The following SI variants were observed in gnomAD, a reference collection of about 807,000 sequenced individuals.
SI encodes sucrase-isomaltase, intestinal.
SI carries 235 observed loss-of-function variants against 253.3 expected under a neutral mutation model. That is an observed-to-expected ratio of 0.93 (90% CI 0.83 to 1.03). The LOEUF is 1.03. Among genes scored for constraint, SI ranks in the 50% least tolerant of loss-of-function variants. The pLI is 0.00. For missense variants in SI, 2,442 were observed against 2,211.1 expected, an observed-to-expected ratio of 1.10 and a Z score of -2.09; for synonymous variants, 819 against 712.0, an observed-to-expected ratio of 1.15 and a Z score of -2.39.
At chr3:165,056,384 C>A (rs138950241) in intron 12 of SI, among the ~76,000 whole-genome samples, 4 of 152,172 alleles carry the variant, frequency 2.6e-5, no homozygotes, top group African/African-American at 7.2e-5. Flanking sequence ...ACCATCCCCC[C>A]CTGCAGAAGC....
chr3:165,020,779 T>C (rs1246550690), intron 27 of SI, among the ~76,000 whole-genome samples: 1 of 151,670 alleles, frequency 6.6e-6, no homozygotes, highest in Non-Finnish European at 1.5e-5. Flanking sequence ...CATAAAAATA[T>C]ATCTAGACTT....
intron 31 of SI, 65 bp from the exon 32 acceptor site, chr3:165,016,145 A>G: frequency 7.2e-7 from 1 of 1,394,254 alleles, no homozygotes; most frequent in Non-Finnish European, 1.0e-6. Flanking sequence ...ATCATATTTT[A>G]TCATACTTAT....
the SI span, among the ~76,000 whole-genome samples, chr3:165,089,306 T>G: frequency 2.0e-5 from 3 of 151,944 alleles, no homozygotes; most frequent in African/African-American, 7.2e-5. Context: ...TAAGTAAAAA[T>G]AAAGATGTTG....
At chr3:165,011,575 A>G (rs1041531088) in intron 34 of SI, among the ~76,000 whole-genome samples, 2 of 151,988 alleles carry the variant, frequency 1.3e-5, no homozygotes, top group Non-Finnish European at 2.9e-5. Flanking sequence ...GAATGTATAT[A>G]TGGCTGCTTT....
At chr3:165,068,679 A>T in intron 5 of SI, 43 bp downstream of exon 5, 1 of 1,429,208 alleles carries the variant, frequency 7.0e-7, no homozygotes, top group Non-Finnish European at 9.9e-7. Context: ...AGCCCATCAA[A>T]TGTCTTTTAG....
At chr3:165,055,332 T>C (rs971381006) in intron 12 of SI, 25 bp from the exon 13 acceptor site, 1 of 1,178,208 alleles carries the variant, frequency 8.5e-7, no homozygotes, top group African/African-American at 1.5e-5. Context: ...CATTCACATA[T>C]ATACATAAAA....
chr3:165,074,591 A>G lies in SI; in HGVS notation c.195T>C (p.Asn65=), dbSNP rs751941063. The G allele has an allele frequency of 1.2e-6, 2 of 1,610,504 alleles. No homozygotes were observed. Among genetic ancestry groups the G allele is most frequent in the Non-Finnish European group, 1.7e-6 (2 of 1,177,576 alleles). The change falls in exon 3 of 48, where the codon AAT becomes AAC. Residue 65 remains asparagine (N), a synonymous_variant. Coordinates refer to ENST00000264382, the MANE Select transcript of SI (RefSeq NM_001041.4). ...TCACATTGACAGGATCATTTAACACATTTGGACATTTTCCTGAATCAGAAG... is the reference window on the plus strand; with the variant it reads ...TCACATTGACAGGATCATTTAACACGTTTGGACATTTTCCTGAATCAGAAG... The part of the protein sequence containing the change: ...TNPSDSGKCP[N]VLNDPVNVRI...
chr3:165,046,664 G>C (rs1363347192), intron 16 of SI, among the ~76,000 whole-genome samples, 177 bp downstream of exon 16: 1 of 151,468 alleles, frequency 6.6e-6, no homozygotes, highest in Non-Finnish European at 1.5e-5. Context: ...CACTTTAATG[G>C]TTGGAAATTA....
chr3:165,030,560 T>C, intron 25 of SI, 152 bp downstream of exon 25: 3 of 758,768 alleles, frequency 4.0e-6, no homozygotes, highest in Non-Finnish European at 4.4e-6. Context: ...TAAAAGTGAA[T>C]TGCCTGTCAG....
At chr3:165,042,033 G>A (rs1180002397) in intron 17 of SI, among the ~76,000 whole-genome samples, 3 of 152,002 alleles carry the variant, frequency 2.0e-5, no homozygotes, top group Non-Finnish European at 2.9e-5. Context: ...TCTTCATCAA[G>A]TTCAGACCTG....
intron 37 of SI, among the ~76,000 whole-genome samples, chr3:165,001,034 G>C (rs1275104675): frequency 6.6e-6 from 1 of 151,024 alleles, no homozygotes; most frequent in Non-Finnish European, 1.5e-5. Flanking sequence ...TATGTGAAGA[G>C]AATATTAAAT....
chr3:164,983,318 T>A (rs1717286702), intron 45 of SI, among the ~76,000 whole-genome samples: 1 of 152,112 alleles, frequency 6.6e-6, no homozygotes, highest in Non-Finnish European at 1.5e-5. Flanking sequence ...GTAACAGGTT[T>A]AAAATAATTT....
At chr3:165,043,276 A>G (rs1712942564) in intron 16 of SI, 101 bp from the exon 17 acceptor site, 2 of 783,328 alleles carry the variant, frequency 2.6e-6, no homozygotes, top group Admixed American at 4.3e-5. Context: ...CTTATATACA[A>G]TTTGTTTTAC....
At chr3:165,010,664 T>G (rs944864505) in intron 34 of SI, among the ~76,000 whole-genome samples, 1 of 152,196 alleles carries the variant, frequency 6.6e-6, no homozygotes, top group Non-Finnish European at 1.5e-5. Flanking sequence ...ACATAATTCA[T>G]TTTTTAGTTT....
intron 3 of SI, among the ~76,000 whole-genome samples, chr3:165,069,458 A>G (rs534460734): frequency 1.3e-5 from 2 of 152,056 alleles, no homozygotes; most frequent in Admixed American, 6.6e-5. Flanking sequence ...TTGTAAGCTT[A>G]TGTATTTTAA....
intron 25 of SI, 44 bp downstream of exon 25, chr3:165,030,668 T>C: frequency 1.9e-6 from 3 of 1,583,948 alleles, no homozygotes; most frequent in Non-Finnish European, 2.6e-6. Context: ...CCAAAATGCT[T>C]ATGTGATAAC....
At chr3:165,075,745 G>A (rs1453793330) in intron 2 of SI, 150 bp downstream of exon 2, 2 of 550,582 alleles carry the variant, frequency 3.6e-6, no homozygotes, top group Non-Finnish European at 6.8e-6. Flanking sequence ...ATAATGAATA[G>A]AAAAAGTGGA....
chr3:165,038,006 T>C lies in SI; in HGVS notation c.2320A>G (p.Arg774Gly), dbSNP rs147207752. 1.3e-3 allele frequency: 2,087 copies of C among 1,599,598 alleles called. 3 individuals are homozygous for C. The highest frequency in any genetic ancestry group is 1.5e-3 in the Non-Finnish European group (1,802 of 1,167,460). The change falls in exon 21 of 48, where the codon AGG becomes GGG. Residue 774 changes from arginine to glycine, a missense_variant. Coordinates refer to ENST00000264382, the MANE Select transcript of SI (RefSeq NM_001041.4). ...DYESGAKRPW[R>G]KQRVDMYLPA... ...AGATACATATCAACCCGTTGTTTCC[T>C]CCATGGCCTTTTTGCACCCTAATAA... is the stretch of plus-strand genomic sequence containing the variant.
upstream of SI, among the ~76,000 whole-genome samples, chr3:165,081,603 A>G (rs562347435): frequency 1.3e-5 from 2 of 152,140 alleles, no homozygotes; most frequent in East Asian, 1.9e-4. Flanking sequence ...ACAAAAATCG[A>G]ATTTTCACAG....
Sources: allele counts gnomAD v4.1 joint callset (sites outside exome capture counted in the v4.1 genomes callset), GRCh38; gene constraint gnomAD v4.1.1; transcripts MANE v1.5; gene names NCBI Gene and HGNC (gene_info 2026-07-23, HGNC 2026-07-21).